EGFLAM: variants seen among roughly 807,000 people sequenced by gnomAD.
EGFLAM encodes the protein EGF like, fibronectin type III and laminin G domains, also known as pikachurin.
Under a neutral mutation model 113.1 loss-of-function variants are expected in EGFLAM, and 79 were observed. That is an observed-to-expected ratio of 0.70 (90% CI 0.58 to 0.84). The LOEUF is 0.84. EGFLAM is among the 40% of genes least tolerant of loss of function. The probability of loss-of-function intolerance (pLI) is 0.00; values close to 1 mark genes in which losing one functional copy is unlikely to be tolerated. For missense variants in EGFLAM, 1,265 were observed against 1,291.6 expected (o/e 0.98, Z 0.32); for synonymous variants, 504 against 487.6 (o/e 1.03, Z -0.44).
At chr5:38,261,573 CTG>C (rs1187567439) in intron 1 of EGFLAM, among the ~76,000 whole-genome samples, 1 of 152,166 alleles carries the variant, frequency 6.6e-6, no homozygotes, top group Non-Finnish European at 1.5e-5. Context: ...GCTCAGAACA[CTG>C]TGTTTGCAGA....
At chr5:38,433,482 G>A (rs1022126692) in intron 15 of EGFLAM, among the ~76,000 whole-genome samples, 1 of 152,222 alleles carries the variant, frequency 6.6e-6, no homozygotes, top group African/African-American at 2.4e-5. Flanking sequence ...GGTGGGATAT[G>A]TTTTCTTCTC....
intron 14 of EGFLAM, among the ~76,000 whole-genome samples, chr5:38,428,976 A>G (rs542514030): frequency 3.3e-5 from 5 of 152,230 alleles, no homozygotes; most frequent in African/African-American, 1.2e-4. Context: ...AACAGTGATT[A>G]CTCTTGGTGT....
chr5:38,392,637 C>G (rs2961889), intron 6 of EGFLAM, among the ~76,000 whole-genome samples: 56,453 of 147,932 alleles, frequency 0.38, 14,024 homozygotes, highest in African/African-American at 0.73. Context: ...TTTGGGGGGG[C>G]GGTTCTCACT....
intron 6 of EGFLAM, among the ~76,000 whole-genome samples, chr5:38,381,248 T>G (rs1250335939): frequency 6.6e-6 from 1 of 152,184 alleles, no homozygotes; most frequent in Non-Finnish European, 1.5e-5. Flanking sequence ...AGTTCTTCAT[T>G]GGGATCATTT....
intron 1 of EGFLAM, among the ~76,000 whole-genome samples, chr5:38,321,852 T>C (rs752899258): frequency 1.3e-5 from 2 of 152,294 alleles, no homozygotes; most frequent in African/African-American, 2.4e-5. Context: ...AGAGTTCCCA[T>C]AGAAGCCCAC....
chr5:38,341,222 C>A (rs758449327), intron 3 of EGFLAM, among the ~76,000 whole-genome samples: 7 of 152,226 alleles, frequency 4.6e-5, no homozygotes, highest in Middle Eastern at 3.2e-3. Flanking sequence ...CTAATAAAGG[C>A]ATACTTGGCA....
chr5:38,267,667 C>G (rs1757666400), intron 1 of EGFLAM, among the ~76,000 whole-genome samples: 1 of 152,152 alleles, frequency 6.6e-6, no homozygotes, highest in Non-Finnish European at 1.5e-5. Context: ...GAAGGCACCG[C>G]TCTGGCATAA....
chr5:38,324,647 C>G (rs2111904385), intron 1 of EGFLAM, among the ~76,000 whole-genome samples: 1 of 152,074 alleles, frequency 6.6e-6, no homozygotes, highest in African/African-American at 2.4e-5. Flanking sequence ...CTGCACTCAA[C>G]TGCTTTACAG....
chr5:38,278,051 G>T (rs1002099198), intron 1 of EGFLAM, among the ~76,000 whole-genome samples: 3 of 151,960 alleles, frequency 2.0e-5, no homozygotes, highest in South Asian at 2.1e-4. Flanking sequence ...CCTAAAATTT[G>T]TATGGAACCA....
intron 19 of EGFLAM, among the ~76,000 whole-genome samples, chr5:38,454,698 C>T (rs1345204465): frequency 6.6e-6 from 1 of 152,144 alleles, no homozygotes; most frequent in Non-Finnish European, 1.5e-5. Context: ...GCAGACAAAT[C>T]GTTCTTGAGG....
intron 3 of EGFLAM, among the ~76,000 whole-genome samples, chr5:38,344,534 A>G (rs952954168): frequency 6.6e-5 from 10 of 151,754 alleles, no homozygotes; most frequent in African/African-American, 2.4e-4. Context: ...CTCTTCTTAC[A>G]TGGTAACCCA....
chr5:38,448,139 C>A (rs1377150666), intron 17 of EGFLAM, 162 bp from the exon 18 acceptor site: 29 of 727,852 alleles, frequency 4.0e-5, no homozygotes, highest in Non-Finnish European at 6.5e-5. Context: ...TGGGGTTGGG[C>A]AACTGTGAAC....
intron 10 of EGFLAM, among the ~76,000 whole-genome samples, chr5:38,412,098 C>T (rs4308502): frequency 0.014 from 2,202 of 152,252 alleles, 63 homozygotes; most frequent in African/African-American, 0.05. Context: ...CCATGCCTGG[C>T]CTAATGTCAA....
At chr5:38,300,462 G>T (rs189315572) in intron 1 of EGFLAM, among the ~76,000 whole-genome samples, 2 of 150,016 alleles carry the variant, frequency 1.3e-5, no homozygotes, top group African/African-American at 4.9e-5. Flanking sequence ...TGCAACCTTC[G>T]CCTTCTGGGT....
intron 1 of EGFLAM, among the ~76,000 whole-genome samples, chr5:38,293,832 A>T (rs1298635007): frequency 6.6e-6 from 1 of 152,160 alleles, no homozygotes; most frequent in Non-Finnish European, 1.5e-5. Flanking sequence ...TAAACACCAA[A>T]ATCTCACTCA....
chr5:38,445,441 G>A (rs1476128690), intron 17 of EGFLAM: 3 of 1,388,588 alleles, frequency 2.2e-6, no homozygotes, highest in Non-Finnish European at 9.4e-7. Context: ...CCTTCAATAA[G>A]CCGAGAAGAG....
At chr5:38,417,284 G>A (rs1224093419) in intron 11 of EGFLAM, among the ~76,000 whole-genome samples, 1 of 147,080 alleles carries the variant, frequency 6.8e-6, no homozygotes, top group African/African-American at 2.5e-5. Flanking sequence ...GGAGGCGGAG[G>A]TTACGGTGAG....
At chr5:38,391,410 G>GTGTGTGTGTT (rs1554010817) in intron 6 of EGFLAM, among the ~76,000 whole-genome samples, 3,830 of 151,126 alleles carry the variant, frequency 0.025, 151 homozygotes, top group African/African-American at 0.087. Flanking sequence ...GTGTGTGTGT[G>GTGTGTGTGTT]TGTGTGTGAT....
At chr5:38,392,749 A>G (rs1561064527) in intron 6 of EGFLAM, among the ~76,000 whole-genome samples, 1 of 152,116 alleles carries the variant, frequency 6.6e-6, no homozygotes, top group Non-Finnish European at 1.5e-5. Flanking sequence ...TTTGTTACAT[A>G]TGTATACATG....
Sources: gnomAD v4.1 joint callset for allele counts (sites outside exome capture counted in the v4.1 genomes callset) on GRCh38, gnomAD v4.1.1 for gene constraint, MANE v1.5 for transcripts, NCBI Gene and HGNC (gene_info 2026-07-23, HGNC 2026-07-21) for gene names.